Variants in ILKAP observed in about 807,000 individuals in gnomAD.
The protein encoded by ILKAP is ILK associated serine/threonine phosphatase.
A neutral mutation model predicts 49.1 loss-of-function variants in ILKAP; 11 were observed. The observed-to-expected ratio is 0.22, with a 90% CI of 0.14 to 0.37. ILKAP has a LOEUF of 0.37. Among genes scored for constraint, ILKAP ranks in the 10% least tolerant of loss-of-function variants. The pLI is 1.00. For missense variants in ILKAP, 363 were observed against 510.8 expected, an observed-to-expected ratio of 0.71 and a Z score of 2.79; for synonymous variants, 186 against 192.8, an observed-to-expected ratio of 0.96 and a Z score of 0.29.
At position 238,202,880 on chromosome 2, in the gene ILKAP, T is replaced by C. The variant is rs1470786158; in HGVS notation, c.55+619A>G. Among the ~76,000 whole-genome samples the C allele has an allele frequency of 5.9e-5, 8 of 135,628 alleles. No individual in the cohort carries two copies. In the Admixed American group the frequency reaches 6.2e-4, roughly 11 times the overall value. 89.0% of individuals were successfully genotyped at this position (135,628 alleles called of 152,430 possible). ...CTTCAAGGAGAGGGGGAACTTCCCG[T>C]GGACCAGAAAAAAAAAAAAAAAACT... On this transcript the variant is annotated intron_variant, in intron 1 of 11. Transcript: ENST00000254654.
chr2:238,188,489 A>G, intron 4 of ILKAP: 1 of 452,948 alleles, frequency 2.2e-6, no homozygotes, highest in Non-Finnish European at 4.0e-6. Flanking sequence ...GACACAAAAG[A>G]GGAGTCAGTG....
chr2:238,170,416 A>T lies in ILKAP; in HGVS notation c.*120T>A. ...ACTCAAAAGACTAGGAAAAAAAAAG[A>T]GAAACCTTTATTTACAACCATGGGA... On this transcript the variant is annotated 3_prime_UTR_variant, in exon 12 of 12. Transcript: ENST00000254654. 2 of 1,125,150 alleles carry T rather than the reference A, an allele frequency of 1.8e-6. No homozygotes were observed. Among genetic ancestry groups the T allele is most frequent in the Non-Finnish European group, 2.5e-6 (2 of 795,124 alleles). 69.7% of individuals were successfully genotyped at this position (1,125,150 alleles called of 1,614,324 possible).
At chr2:238,172,597 C>G (rs1018371773) in intron 10 of ILKAP, among the ~76,000 whole-genome samples, 4 of 152,194 alleles carry the variant, frequency 2.6e-5, no homozygotes, top group Admixed American at 6.5e-5. Context: ...TGATGGAGGA[C>G]CCCGCGGTAC....
At position 238,173,527 on chromosome 2, in the gene ILKAP, CT is replaced by C; in HGVS notation, c.956+6del. The C allele has an allele frequency of 1.9e-6, 3 of 1,612,674 alleles. No homozygotes were observed. The highest frequency in any genetic ancestry group is 2.5e-6 in the Non-Finnish European group (3 of 1,179,078). On this transcript the variant is annotated splice_donor_region_variant and intron_variant, in intron 10 of 11. Coordinates refer to ENST00000254654, the MANE Select transcript of ILKAP (RefSeq NM_030768.3). ...CACACACCTGTGCCTCTTATAGGGC[CT>C]TTTACCTGTCATTGGGGGTCAGCTG... is the stretch of plus-strand genomic sequence containing the variant.
At chr2:238,197,596 C>G (rs1694397769) in intron 1 of ILKAP, among the ~76,000 whole-genome samples, 1 of 152,094 alleles carries the variant, frequency 6.6e-6, no homozygotes, top group Non-Finnish European at 1.5e-5. Context: ...GTAAGCATTC[C>G]TCACAATGCA....
chr2:238,174,541 C>T (rs1693364512), intron 9 of ILKAP, among the ~76,000 whole-genome samples: 1 of 152,216 alleles, frequency 6.6e-6, no homozygotes, highest in Admixed American at 6.5e-5. Context: ...CAAGCAAGTT[C>T]AGGAGATGCG....
intron 3 of ILKAP, among the ~76,000 whole-genome samples, chr2:238,193,763 C>G (rs1264746679): frequency 6.6e-6 from 1 of 152,218 alleles, no homozygotes; most frequent in African/African-American, 2.4e-5. Context: ...CCTCTCCTAA[C>G]CCTCACCTTC....
chr2:238,202,940 G>A (rs76660772), intron 1 of ILKAP, among the ~76,000 whole-genome samples: 160 of 151,788 alleles, frequency 1.1e-3, no homozygotes, highest in African/African-American at 3.8e-3. Context: ...GGATGACAGA[G>A]GAGGCATCCT....
chr2:238,190,584 C>T (rs543634169), intron 3 of ILKAP, among the ~76,000 whole-genome samples: 1 of 152,160 alleles, frequency 6.6e-6, no homozygotes, highest in South Asian at 2.1e-4. Flanking sequence ...CTGTCTTCAC[C>T]CGTGCGTAAC....
At chr2:238,187,422 T>TATTATGTA (rs1165818531) in intron 5 of ILKAP, among the ~76,000 whole-genome samples, 3 of 152,042 alleles carry the variant, frequency 2.0e-5, no homozygotes, top group Non-Finnish European at 4.4e-5. Flanking sequence ...GTAATGTATT[T>TATTATGTA]ATTATGTAAT....
chr2:238,193,201 A>C (rs1436855823), intron 3 of ILKAP, among the ~76,000 whole-genome samples: 1 of 152,108 alleles, frequency 6.6e-6, no homozygotes, highest in Non-Finnish European at 1.5e-5. Flanking sequence ...AAATCCCTTA[A>C]CAGCCTTCTT....
chr2:238,188,332 G>T, intron 4 of ILKAP, 75 bp from the exon 5 acceptor site: 1 of 1,537,640 alleles, frequency 6.5e-7, no homozygotes, highest in Non-Finnish European at 8.8e-7. Flanking sequence ...CAGAGCAAAT[G>T]AGAGGGAACT....
At chr2:238,173,478 G>C (rs757428184) in intron 10 of ILKAP, 56 bp downstream of exon 10, 82 of 1,587,032 alleles carry the variant, frequency 5.2e-5, no homozygotes, top group Non-Finnish European at 5.5e-5. Flanking sequence ...CTGGAAGTGA[G>C]GAAGAGAAAT....
intron 9 of ILKAP, among the ~76,000 whole-genome samples, chr2:238,178,336 C>T (rs1693552433): frequency 6.6e-6 from 1 of 152,174 alleles, no homozygotes; most frequent in African/African-American, 2.4e-5. Flanking sequence ...CGCACACCAC[C>T]AGAACTGGCT....
chr2:238,171,605 T>C (rs528320777), intron 10 of ILKAP, among the ~76,000 whole-genome samples: 7 of 152,250 alleles, frequency 4.6e-5, no homozygotes, highest in Non-Finnish European at 1.0e-4. Context: ...CCTCAAACAT[T>C]AGGTGCTGTA....
At chr2:238,170,813 G>T in intron 11 of ILKAP, 130 bp downstream of exon 11, 2 of 1,463,438 alleles carry the variant, frequency 1.4e-6, no homozygotes, top group Non-Finnish European at 1.9e-6. Context: ...GAGTCAGTAG[G>T]CAGAGTTCAC....
intron 3 of ILKAP, among the ~76,000 whole-genome samples, chr2:238,193,934 C>T (rs1056538905): frequency 6.6e-6 from 1 of 152,240 alleles, no homozygotes; most frequent in African/African-American, 2.4e-5. Context: ...AGCCTCGATA[C>T]ATTTGAGTCA....
intron 1 of ILKAP, among the ~76,000 whole-genome samples, chr2:238,201,967 G>A (rs1000139261): frequency 3.9e-5 from 6 of 152,204 alleles, no homozygotes; most frequent in Non-Finnish European, 8.8e-5. Flanking sequence ...GCTCACACCT[G>A]TAATCCCAGC....
At chr2:238,188,036 G>A in intron 5 of ILKAP, 95 bp downstream of exon 5, 1 of 1,392,162 alleles carries the variant, frequency 7.2e-7, no homozygotes. Flanking sequence ...TGATGTGTTA[G>A]ATTTTCTAGT....
Sources: gnomAD v4.1 joint callset for allele counts (sites outside exome capture counted in the v4.1 genomes callset) on GRCh38, gnomAD v4.1.1 for gene constraint, MANE v1.5 for transcripts, NCBI Gene and HGNC (gene_info 2026-07-23, HGNC 2026-07-21) for gene names.